Variants in EPHA6 observed in about 807,000 individuals in gnomAD.
The protein encoded by EPHA6 is ephrin type-A receptor 6.
Under a neutral mutation model 112.0 loss-of-function variants are expected in EPHA6, and 50 were observed. The observed-to-expected ratio is 0.45, with a 90% confidence interval of 0.36 to 0.56. The LOEUF is 0.56. Among genes scored for constraint, EPHA6 ranks in the 20% least tolerant of loss-of-function variants. The probability of loss-of-function intolerance (pLI) is 0.00; values close to 1 mark genes in which losing one functional copy is unlikely to be tolerated. For missense variants in EPHA6, 1,280 were observed against 1,417.4 expected (o/e 0.90, Z 1.56); for synonymous variants, 529 against 490.7 (o/e 1.08, Z -1.03).
rs368029197 is a variant in EPHA6, at chr3:97,496,814, CA to C, written c.2200+12765del. ...ACCTAAGTGCATTGATGCACACACACAAAAAAAAAACCAACTGCCTCAGCAG... is the reference window on the plus strand; with the variant it reads ...ACCTAAGTGCATTGATGCACACACACAAAAAAAAACCAACTGCCTCAGCAG... On this transcript the variant is annotated intron_variant, in intron 10 of 17. Coordinates refer to ENST00000389672, the MANE Select transcript of EPHA6 (RefSeq NM_001080448.3). 7.0e-3 allele frequency among the ~76,000 whole-genome samples: 990 copies of C among 141,362 alleles called. 11 individuals are homozygous for C. The highest frequency in any genetic ancestry group is 0.025 in the African/African-American group (877 of 35,138). 92.7% of individuals were successfully genotyped at this position (141,362 alleles called of 152,430 possible).
intron 11 of EPHA6, among the ~76,000 whole-genome samples, chr3:97,543,242 C>T (rs1256841784): frequency 1.3e-5 from 2 of 152,020 alleles, no homozygotes; most frequent in East Asian, 1.9e-4. Context: ...ACCATTTAAG[C>T]CTTTAATCCA....
chr3:97,281,967 CATA>C (rs1332374516), intron 5 of EPHA6, among the ~76,000 whole-genome samples: 2 of 152,054 alleles, frequency 1.3e-5, no homozygotes, highest in South Asian at 2.1e-4. Flanking sequence ...ATGTGGCACA[CATA>C]ATAAGTGTTC....
chr3:96,985,929 TTAAA>T (rs1336291409), intron 2 of EPHA6, among the ~76,000 whole-genome samples: 1 of 152,154 alleles, frequency 6.6e-6, no homozygotes, highest in African/African-American at 2.4e-5. Flanking sequence ...ACAGAATGTG[TTAAA>T]TAATCTTATT....
At chr3:96,852,166 CTCTTTT>C (rs905008509) in intron 1 of EPHA6, among the ~76,000 whole-genome samples, 2 of 151,914 alleles carry the variant, frequency 1.3e-5, no homozygotes, top group African/African-American at 2.4e-5. Context: ...ATGGAAATGC[CTCTTTT>C]TCTTAAGGTG....
chr3:97,224,803 A>G (rs2078304428), intron 3 of EPHA6, among the ~76,000 whole-genome samples: 1 of 152,246 alleles, frequency 6.6e-6, no homozygotes. Flanking sequence ...TTTAGAATGT[A>G]AGCTCCCCAT....
chr3:97,742,857 G>T (rs890894655), intron 16 of EPHA6, among the ~76,000 whole-genome samples: 1 of 151,960 alleles, frequency 6.6e-6, no homozygotes. Context: ...TTCTTCCAAG[G>T]GTATGTACAT....
intron 3 of EPHA6, among the ~76,000 whole-genome samples, chr3:97,154,624 C>T (rs2076247644): frequency 6.6e-6 from 1 of 152,090 alleles, no homozygotes; most frequent in Non-Finnish European, 1.5e-5. Context: ...AGCATTTTCC[C>T]CTTCCTCCAC....
At position 97,640,239 on chromosome 3, in the gene EPHA6, A is replaced by G. The variant is rs77005210; in HGVS notation, c.2784+2157A>G. ...TTTATTACGCTGACAGTTGGAGGAA[A>G]GGTAGTCCAGATGGAGAAGAAGAAA... On this transcript the variant is annotated intron_variant, in intron 14 of 17. Transcript: ENST00000389672. 5.3e-5 allele frequency among the ~76,000 whole-genome samples: 8 copies of G among 152,332 alleles called. No individual in the cohort carries two copies. The East Asian group carries it at 1.4e-3, about 26-fold the overall frequency.
At chr3:97,127,059 A>G (rs796202006) in intron 3 of EPHA6, among the ~76,000 whole-genome samples, 6 of 152,256 alleles carry the variant, frequency 3.9e-5, no homozygotes, top group African/African-American at 1.4e-4. Flanking sequence ...AAAACAGATT[A>G]ACAAGAGAAA....
At chr3:97,223,440 T>TA (rs899796537) in intron 3 of EPHA6, among the ~76,000 whole-genome samples, 2 of 152,030 alleles carry the variant, frequency 1.3e-5, no homozygotes, top group Non-Finnish European at 2.9e-5. Context: ...GAGCAAGTGT[T>TA]AAAAAAAGCC....
chr3:97,243,986 C>T lies in EPHA6; in HGVS notation c.1305C>T (p.Asn435=), dbSNP rs1172428902. ...CAGCTCCTAGGAATGTGGTTTTTAA[C>T]ATCAATGAAACAGCCCTTATTTTGG... ...PPSAPRNVVF[N]INETALILEW... Residue 435 remains asparagine (N), a synonymous_variant, in exon 5 of 18, where the codon AAC becomes AAT. Transcript: ENST00000389672. 4 of 1,610,964 alleles carry T rather than the reference C, an allele frequency of 2.5e-6. No homozygotes were observed. The highest frequency in any genetic ancestry group is 3.4e-6 in the Non-Finnish European group (4 of 1,178,248).
In EPHA6 at chr3:97,446,102, G is replaced by A. The variant is rs536928639; in HGVS notation, c.1732-2466G>A. On this transcript the variant is annotated intron_variant, in intron 6 of 17. Transcript: ENST00000389672. ...AGGCAACTGGCCAAAATTCTGGGACGATAGTGTCCTACCTATGCATATCAT... is the reference window on the plus strand; with the variant it reads ...AGGCAACTGGCCAAAATTCTGGGACAATAGTGTCCTACCTATGCATATCAT... 1.1e-4 allele frequency among the ~76,000 whole-genome samples: 17 copies of A among 152,302 alleles called. No individual in the cohort carries two copies. The South Asian group carries it at 3.3e-3, about 30-fold the overall frequency.
intron 2 of EPHA6, among the ~76,000 whole-genome samples, chr3:96,948,402 G>A (rs1488861087): frequency 6.6e-6 from 1 of 152,038 alleles, no homozygotes; most frequent in Non-Finnish European, 1.5e-5. Flanking sequence ...TTGAAACTTA[G>A]GAATCAGTGC....
At chr3:97,008,549 A>G (rs968578587) in intron 3 of EPHA6, among the ~76,000 whole-genome samples, 90 of 152,288 alleles carry the variant, frequency 5.9e-4, no homozygotes, top group Non-Finnish European at 2.2e-4. Context: ...GAGTTGGGTT[A>G]GAACATGCTC....
chr3:97,058,895 C>G lies in EPHA6; in HGVS notation c.1114+70902C>G, dbSNP rs2045933997. 1.3e-5 allele frequency among the ~76,000 whole-genome samples: 2 copies of G among 152,118 alleles called. 1 individual carries two copies. Among genetic ancestry groups the G allele is most frequent in the East Asian group, 3.9e-4 (2 of 5,178 alleles). On this transcript the variant is annotated intron_variant, in intron 3 of 17. Coordinates refer to ENST00000389672, the MANE Select transcript of EPHA6 (RefSeq NM_001080448.3). ...AGTGATTTATCAAAAACACAAAAGA[C>G]TCAGACAAATCCTGGAGGGAAAATG...
At chr3:97,362,119 A>C (rs947267383) in intron 5 of EPHA6, among the ~76,000 whole-genome samples, 2 of 152,210 alleles carry the variant, frequency 1.3e-5, no homozygotes, top group African/African-American at 4.8e-5. Flanking sequence ...CTAAGTACAC[A>C]AACCACTTCA....
At chr3:97,613,488 C>G (rs2093737521) in intron 13 of EPHA6, among the ~76,000 whole-genome samples, 1 of 152,124 alleles carries the variant, frequency 6.6e-6, no homozygotes, top group Non-Finnish European at 1.5e-5. Context: ...GGTAGCACTA[C>G]TAAGTACAAG....
chr3:97,242,366 A>C (rs1402945507), intron 4 of EPHA6, among the ~76,000 whole-genome samples: 1 of 151,762 alleles, frequency 6.6e-6, no homozygotes, highest in African/African-American at 2.4e-5. Flanking sequence ...CATACTTTCT[A>C]TTCCTAATAT....
intron 10 of EPHA6, among the ~76,000 whole-genome samples, chr3:97,489,611 G>C (rs888633305): frequency 1.3e-5 from 2 of 151,216 alleles, no homozygotes; most frequent in Admixed American, 6.6e-5. Flanking sequence ...GCATGAACCC[G>C]GGAGGCAGAG....
Sources: allele counts gnomAD v4.1 joint callset (sites outside exome capture counted in the v4.1 genomes callset), GRCh38; gene constraint gnomAD v4.1.1; transcripts MANE v1.5; gene names NCBI Gene and HGNC (gene_info 2026-07-23, HGNC 2026-07-21).